C2: variants seen among roughly 807,000 people sequenced by gnomAD.
C2 encodes C3/C5 convertase.
Under a neutral mutation model 85.2 loss-of-function variants are expected in C2, and 64 were observed. That is an observed-to-expected ratio of 0.75 (90% CI 0.61 to 0.92). The LOEUF is 0.92. Among genes scored for constraint, C2 ranks in the 40% least tolerant of loss-of-function variants. The probability of loss-of-function intolerance (pLI) is 0.00; values close to 1 mark genes in which losing one functional copy is unlikely to be tolerated. For synonymous variants in C2, 311 were observed against 370.8 expected (o/e 0.84, Z 1.85); for missense variants, 820 against 971.6 (o/e 0.84, Z 2.07).
intron 1 of C2, among the ~76,000 whole-genome samples, chr6:31,905,409 G>A (rs1418955850): frequency 2.0e-5 from 3 of 149,354 alleles, no homozygotes; most frequent in Non-Finnish European, 4.4e-5. Flanking sequence ...CTGTACTCCA[G>A]CCTGGGCAAC....
upstream of C2, among the ~76,000 whole-genome samples, chr6:31,918,126 T>TA (rs1376034637): frequency 6.6e-6 from 1 of 151,370 alleles, no homozygotes; most frequent in African/African-American, 2.4e-5. Flanking sequence ...AGTAAACAAT[T>TA]AAAAAAAACT....
chr6:31,908,269 C>T (rs1767862635), intron 1 of C2, among the ~76,000 whole-genome samples: 1 of 151,664 alleles, frequency 6.6e-6, no homozygotes, highest in South Asian at 2.1e-4. Flanking sequence ...GTTGAGTCTA[C>T]AGGCATGAGC....
chr6:31,917,300 T>TA (rs879748063), upstream of C2, among the ~76,000 whole-genome samples: 151 of 144,772 alleles, frequency 1.0e-3, 1 homozygote, highest in East Asian at 1.6e-3. Flanking sequence ...TTTGCAGCCA[T>TA]AAAAAAAAAA....
At chr6:31,940,803 A>G (rs1288135675) in intron 9 of C2, among the ~76,000 whole-genome samples, 1 of 152,264 alleles carries the variant, frequency 6.6e-6, no homozygotes, top group East Asian at 1.9e-4. Context: ...ACAAGGCACG[A>G]TCGTTGTCTA....
upstream of C2, chr6:31,899,906 T>A (rs1462930400): frequency 6.5e-7 from 1 of 1,548,304 alleles, no homozygotes; most frequent in Non-Finnish European, 8.7e-7. Context: ...CCCAGCCTCC[T>A]GGCCTCCACG....
chr6:31,942,445 C>T (rs1447674027), intron 9 of C2, among the ~76,000 whole-genome samples: 1 of 151,468 alleles, frequency 6.6e-6, no homozygotes, highest in Non-Finnish European at 1.5e-5. Context: ...GATAAGAAAA[C>T]CATAGAACCC....
At chr6:31,900,976 C>T (rs1767200790), upstream of C2, 1 of 1,614,090 alleles carries the variant, frequency 6.2e-7, no homozygotes, top group African/African-American at 1.3e-5. The surrounding 1 kb of genome is among the most constrained non-coding windows in gnomAD (Gnocchi z 9.7). Flanking sequence ...GCTCCATCTG[C>T]AGGTAGGAGG....
At chr6:31,931,435 G>A (rs967710178) in intron 3 of C2, among the ~76,000 whole-genome samples, 2 of 151,138 alleles carry the variant, frequency 1.3e-5, no homozygotes, top group East Asian at 1.9e-4. Flanking sequence ...TGTGTCCCTG[G>A]GTACTTGAGA....
exon 1 of C2, chr6:31,901,065 C>T: frequency 1.9e-6 from 3 of 1,614,184 alleles, no homozygotes; most frequent in Non-Finnish European, 2.5e-6. Flanking sequence ...AAGTCGGCCA[C>T]GATGCGTGCA....
At chr6:31,932,316 G>T (rs1242479096) in intron 3 of C2, 1 of 179,390 alleles carries the variant, frequency 5.6e-6, no homozygotes, top group South Asian at 8.6e-5. Flanking sequence ...CCTCCCTCCC[G>T]GACCAGGTGG....
At position 31,934,260 on chromosome 6, in the gene C2, T is replaced by C; in HGVS notation, c.810T>C (p.Phe270=). The change falls in exon 6 of 18, where the codon TTT becomes TTC. Residue 270 remains phenylalanine (F), a synonymous_variant. Coordinates refer to ENST00000299367, the MANE Select transcript of C2 (RefSeq NM_000063.6). ...DCSQSVSEND[F]LIFKESASLM... ...CGCAGAGTGTGTCGGAAAATGACTT[T>C]CTCATCTTCAAGGAGAGCGCCTCCC... 1 of 1,614,066 alleles carries C rather than the reference T, an allele frequency of 6.2e-7. No individual in the cohort carries two copies. Among genetic ancestry groups the C allele is most frequent in the Non-Finnish European group, 8.5e-7 (1 of 1,179,958 alleles).
Position 31,935,218 on chromosome 6 carries a change from T to C in C2, c.850-705T>C, listed in dbSNP as rs1055183070. ...TGGGACTCAAAATTAAGTAACTCAT[T>C]GCACTGCGAGGCGGCAACACACACC... is the stretch of plus-strand genomic sequence containing the variant. On this transcript the variant is annotated intron_variant, in intron 6 of 17. Coordinates refer to ENST00000299367, the MANE Select transcript of C2 (RefSeq NM_000063.6). The surrounding 1 kb of genome is among the most constrained non-coding windows in gnomAD (Gnocchi z 4.3). 1 of 224,942 alleles carries C rather than the reference T, an allele frequency of 4.4e-6. No individual in the cohort carries two copies. Among genetic ancestry groups the C allele is most frequent in the Non-Finnish European group, 7.4e-6 (1 of 134,818 alleles). The allele number at this position is 224,942 out of a possible 1,614,324, so 13.9% of individuals were successfully genotyped here. A position where few individuals can be genotyped will look rare whatever the true frequency, so the allele number is the denominator to read the frequency against.
chr6:31,936,174 G>A, intron 7 of C2, 113 bp downstream of exon 7: 1 of 1,126,044 alleles, frequency 8.9e-7, no homozygotes, highest in Non-Finnish European at 1.3e-6. Context: ...GGTGGCACCT[G>A]AGTCCCACGA....
At position 31,920,080 on chromosome 6, in the gene C2, C is replaced by T. The variant is rs1199381041; in HGVS notation, c.-100+54C>T. ...ATTTGCCAAGCCAAACCTGAGGTTC[C>T]AGGCTGTCTTAAGTCAAAGCCTGAA... On this transcript the variant is annotated intron_variant, in intron 1 of 3. Transcript: ENST00000413154. The surrounding 1 kb of genome is among the most constrained non-coding windows in gnomAD (Gnocchi z 5.6). The T allele has an allele frequency of 6.6e-6, 1 of 152,244 alleles. No homozygotes were observed. Among genetic ancestry groups the T allele is most frequent in the East Asian group, 1.9e-4 (1 of 5,200 alleles). The allele number at this position is 152,244 out of a possible 1,614,324, so 9.4% of individuals were successfully genotyped here.
chr6:31,942,458 C>A (rs773132307), intron 9 of C2, among the ~76,000 whole-genome samples: 11 of 151,572 alleles, frequency 7.3e-5, no homozygotes, highest in Non-Finnish European at 1.5e-4. Flanking sequence ...TAGAACCCAG[C>A]AGGTGGTAGG....
chr6:31,918,028 A>G (rs1348289306), upstream of C2, among the ~76,000 whole-genome samples: 3 of 152,226 alleles, frequency 2.0e-5, no homozygotes, highest in Non-Finnish European at 2.9e-5. Context: ...ATGAATTCCC[A>G]GCACTTTGGG....
intron 9 of C2, 170 bp from the exon 10 acceptor site, chr6:31,942,789 A>AGGGCAGGGAGTGGCAGGAAATGAAGGC: frequency 1.4e-6 from 1 of 728,046 alleles, no homozygotes; most frequent in Non-Finnish European, 2.3e-6. Context: ...AGGAGAGTGA[A>AGGGCAGGGAGTGGCAGGAAATGAAGGC]GGGCAGGGAG....
In C2 at chr6:31,935,784, C is replaced by T; in HGVS notation, c.850-139C>T. 1.1e-6 allele frequency: 1 copy of T among 931,804 alleles called. No individual in the cohort carries two copies. The highest frequency in any genetic ancestry group is 1.8e-5 in the Admixed American group (1 of 55,690). The allele number at this position is 931,804 out of a possible 1,614,324, so 57.7% of individuals were successfully genotyped here. On this transcript the variant is annotated intron_variant, in intron 6 of 17. Transcript: ENST00000299367. The surrounding 1 kb of genome is among the most constrained non-coding windows in gnomAD (Gnocchi z 4.3). ...CCTAGCTTCTTCCTAACAGCCATTT[C>T]CTAGTGTCTCCCCTGGTCCTTGCCT... is the stretch of plus-strand genomic sequence containing the variant.
rs1767612002 is a variant in C2 at position 31,904,814 on chromosome 6, C to T, written c.73+3675C>T. Among the ~76,000 whole-genome samples, 1 of 42,236 alleles carries T rather than the reference C, an allele frequency of 2.4e-5. No homozygotes were observed. The highest frequency in any genetic ancestry group is 3.8e-5 in the Non-Finnish European group (1 of 26,402). 27.7% of individuals were successfully genotyped at this position (42,236 alleles called of 152,430 possible). ...TAGGAATGTAGATGGGACAGGGGGC[C>T]TAACTCAGCCCATGGCTCAAGACAG... is the stretch of plus-strand genomic sequence containing the variant. On this transcript the variant is annotated intron_variant, in intron 1 of 3. Transcript: ENST00000452202. This position sits in a 1 kb window ranked among gnomAD's most constrained non-coding sequence, Gnocchi z 4.4.
Sources: gnomAD v4.1 joint callset for allele counts (sites outside exome capture counted in the v4.1 genomes callset) on GRCh38, gnomAD v4.1.1 for gene constraint, Gnocchi (gnomAD v3.1) non-coding constraint, MANE v1.5 for transcripts, NCBI Gene and HGNC (gene_info 2026-07-23, HGNC 2026-07-21) for gene names.